Variants in TUSC3 observed in about 807,000 individuals in gnomAD.
TUSC3 encodes tumor suppressor candidate 3, also known as dolichyl-diphosphooligosaccharide--protein glycosyltransferase subunit TUSC3.
A neutral mutation model predicts 44.8 loss-of-function variants in TUSC3; 45 were observed. That is an observed-to-expected ratio of 1.00 (90% CI 0.79 to 1.29). The LOEUF (loss-of-function observed/expected upper bound fraction) is 1.29, where lower values mean the gene tolerates loss of function less well. Ranked by LOEUF, TUSC3 falls within the 50% of genes most tolerant of loss-of-function variation. The probability of loss-of-function intolerance (pLI) is 0.00; values close to 1 mark genes in which losing one functional copy is unlikely to be tolerated. For synonymous variants in TUSC3, 212 were observed against 152.9 expected (o/e 1.39, Z -2.85); for missense variants, 519 against 437.9 (o/e 1.19, Z -1.65).
At chr8:15,560,254 C>A (rs1295095494) in intron 1 of TUSC3, among the ~76,000 whole-genome samples, 1 of 146,632 alleles carries the variant, frequency 6.8e-6, no homozygotes, top group African/African-American at 2.5e-5. Flanking sequence ...ATTTCTCCTT[C>A]ACTTATGAAG....
At chr8:15,449,264 A>C (rs983595646) in intron 1 of TUSC3, among the ~76,000 whole-genome samples, 1 of 152,218 alleles carries the variant, frequency 6.6e-6, no homozygotes, top group African/African-American at 2.4e-5. Context: ...TTATGAAAGA[A>C]GGAATGGGCA....
chr8:15,684,847 A>ACTG (rs1808564631), intron 6 of TUSC3, among the ~76,000 whole-genome samples: 1 of 152,104 alleles, frequency 6.6e-6, no homozygotes, highest in African/African-American at 2.4e-5. Flanking sequence ...AGGAGAGCAG[A>ACTG]CTGCTCCTAG....
chr8:15,795,203 C>T, the TUSC3 span, among the ~76,000 whole-genome samples: 6 of 152,174 alleles, frequency 3.9e-5, no homozygotes, highest in East Asian at 1.9e-4. Flanking sequence ...GTTTCTGTAT[C>T]GACCTTTTCA....
chr8:15,425,328 C>G (rs191444424), intron 1 of TUSC3, among the ~76,000 whole-genome samples: 3 of 152,234 alleles, frequency 2.0e-5, no homozygotes, highest in Admixed American at 6.5e-5. Context: ...CTTTTTCGCC[C>G]TTAAGAATGC....
At chr8:15,515,091 C>A (rs1801199846) in intron 2 of TUSC3, among the ~76,000 whole-genome samples, 1 of 152,066 alleles carries the variant, frequency 6.6e-6, no homozygotes, top group Non-Finnish European at 1.5e-5. Flanking sequence ...TATCTCTAAG[C>A]CAAGACCACA....
chr8:15,572,210 C>G (rs1196221633), intron 1 of TUSC3, among the ~76,000 whole-genome samples: 1 of 152,212 alleles, frequency 6.6e-6, no homozygotes, highest in East Asian at 1.9e-4. Context: ...ATCAATTATG[C>G]TAGCTAAATC....
intron 2 of TUSC3, among the ~76,000 whole-genome samples, chr8:15,630,295 G>T (rs1175152835): frequency 6.6e-6 from 1 of 152,076 alleles, no homozygotes; most frequent in African/African-American, 2.4e-5. Flanking sequence ...CCGGTTAAAT[G>T]AAGAATTGAT....
chr8:15,590,127 A>G (rs1480226657), intron 1 of TUSC3, among the ~76,000 whole-genome samples: 2 of 152,188 alleles, frequency 1.3e-5, no homozygotes, highest in Admixed American at 1.3e-4. Context: ...GAGGTGATAG[A>G]TGACATTTAT....
intron 2 of TUSC3, among the ~76,000 whole-genome samples, chr8:15,499,982 A>C (rs951176342): frequency 6.6e-6 from 1 of 152,214 alleles, no homozygotes; most frequent in African/African-American, 2.4e-5. Flanking sequence ...CCAGCACTCT[A>C]TATTTTAAAC....
chr8:15,623,399 T>G (rs1186263139), intron 2 of TUSC3, 150 bp downstream of exon 2: 1 of 860,316 alleles, frequency 1.2e-6, no homozygotes, highest in Non-Finnish European at 1.6e-6. Flanking sequence ...GAAAAATCAG[T>G]GTATTTTAGA....
At chr8:15,729,687 A>T (rs1216080828) in intron 6 of TUSC3, among the ~76,000 whole-genome samples, 1 of 152,122 alleles carries the variant, frequency 6.6e-6, no homozygotes, top group Non-Finnish European at 1.5e-5. Context: ...AGAGGGGAAC[A>T]GTAGACCCTG....
intron 1 of TUSC3, among the ~76,000 whole-genome samples, chr8:15,595,310 T>A (rs1320517964): frequency 6.6e-6 from 1 of 152,156 alleles, no homozygotes; most frequent in Non-Finnish European, 1.5e-5. Context: ...GGCTTCTCTT[T>A]GTGTAAATCT....
At chr8:15,541,961 G>T (rs927728284) in intron 1 of TUSC3, among the ~76,000 whole-genome samples, 1 of 151,372 alleles carries the variant, frequency 6.6e-6, no homozygotes, top group Non-Finnish European at 1.5e-5. Context: ...TCATTTGAAG[G>T]GTGTGAACCC....
intron 1 of TUSC3, among the ~76,000 whole-genome samples, chr8:15,444,641 C>T (rs114468896): frequency 6.6e-6 from 1 of 152,114 alleles, no homozygotes; most frequent in Non-Finnish European, 1.5e-5. Flanking sequence ...AGCCCCAAAT[C>T]AGAGCCCATT....
intron 2 of TUSC3, among the ~76,000 whole-genome samples, chr8:15,639,369 A>G (rs1467623669): frequency 6.6e-6 from 1 of 152,226 alleles, no homozygotes; most frequent in African/African-American, 2.4e-5. Context: ...GTGGGATTTT[A>G]TTGAATGAAA....
chr8:15,564,668 G>A (rs930284394), intron 1 of TUSC3, among the ~76,000 whole-genome samples: 1 of 152,110 alleles, frequency 6.6e-6, no homozygotes, highest in African/African-American at 2.4e-5. Context: ...ACACAAGCTA[G>A]ATGACATTTC....
intron 6 of TUSC3, among the ~76,000 whole-genome samples, chr8:15,703,377 T>A (rs1476477136): frequency 6.6e-6 from 1 of 152,150 alleles, no homozygotes; most frequent in Non-Finnish European, 1.5e-5. Flanking sequence ...TTCTTCAAAT[T>A]TAATGTACTT....
At chr8:15,593,887 G>A (rs753578846) in intron 1 of TUSC3, among the ~76,000 whole-genome samples, 1 of 151,946 alleles carries the variant, frequency 6.6e-6, no homozygotes, top group Non-Finnish European at 1.5e-5. Flanking sequence ...CAATCAGAAT[G>A]TTAATTGTGA....
At chr8:15,679,081 C>G (rs898119217) in intron 6 of TUSC3, among the ~76,000 whole-genome samples, 1 of 152,128 alleles carries the variant, frequency 6.6e-6, no homozygotes, top group East Asian at 1.9e-4. Flanking sequence ...GTACATGTGT[C>G]TTTTTGGTAG....
Sources: allele counts gnomAD v4.1 joint callset (sites outside exome capture counted in the v4.1 genomes callset), GRCh38; gene constraint gnomAD v4.1.1; transcripts MANE v1.5; gene names NCBI Gene and HGNC (gene_info 2026-07-23, HGNC 2026-07-21).